Variants in PSMF1 observed in about 807,000 individuals in gnomAD.
The protein encoded by PSMF1 is proteasome inhibitor PI31 subunit.
PSMF1 carries 30 observed loss-of-function variants against 29.3 expected under a neutral mutation model. The ratio of observed to expected loss-of-function variants is 1.02; its 90% CI spans 0.77 to 1.39. The LOEUF (loss-of-function observed/expected upper bound fraction) is 1.39, where lower values mean the gene tolerates loss of function less well. Among genes scored for constraint, PSMF1 ranks in the 40% most tolerant of loss-of-function variants. The pLI, the probability that PSMF1 is intolerant of heterozygous loss-of-function variation, is 0.00. For missense variants in PSMF1, 344 were observed against 357.5 expected, an observed-to-expected ratio of 0.96 and a Z score of 0.31; for synonymous variants, 134 against 139.7, an observed-to-expected ratio of 0.96 and a Z score of 0.29.
At chr20:1,157,666 C>T (rs1254634661) in intron 4 of PSMF1, among the ~76,000 whole-genome samples, 1 of 152,088 alleles carries the variant, frequency 6.6e-6, no homozygotes, top group Non-Finnish European at 1.5e-5. Flanking sequence ...GTTTCTGCAG[C>T]TGGTCACGTG....
intron 3 of PSMF1, among the ~76,000 whole-genome samples, chr20:1,130,438 G>T (rs753184137): frequency 6.6e-6 from 1 of 152,110 alleles, no homozygotes; most frequent in African/African-American, 2.4e-5. Flanking sequence ...ACCTTGTACT[G>T]CCTTCCCCGC....
chr20:1,158,284 C>G (rs1455081419), intron 4 of PSMF1, among the ~76,000 whole-genome samples: 1 of 152,216 alleles, frequency 6.6e-6, no homozygotes, highest in Non-Finnish European at 1.5e-5. Context: ...ATCGCAGCAG[C>G]TGCTGTTATT....
chr20:1,136,688 C>T (rs1413755306), intron 4 of PSMF1, among the ~76,000 whole-genome samples: 1 of 152,192 alleles, frequency 6.6e-6, no homozygotes, highest in Non-Finnish European at 1.5e-5. Context: ...TGGATGTTTA[C>T]ACCTGTATGT....
chr20:1,132,858 G>C (rs894572659), intron 3 of PSMF1, among the ~76,000 whole-genome samples: 2 of 151,608 alleles, frequency 1.3e-5, no homozygotes, highest in African/African-American at 2.4e-5. Context: ...TCTGTCCTTT[G>C]TTTTGGTTTT....
At position 1,164,389 on chromosome 20, in the gene PSMF1, C is replaced by A; in HGVS notation, c.677C>A (p.Ser226Ter). The change falls in exon 6 of 7, where the codon TCA becomes TAA. Residue 226 changes from serine to a stop codon, truncating the protein, a stop_gained. Coordinates refer to ENST00000335877, the MANE Select transcript of PSMF1 (RefSeq NM_006814.5). LOFTEE classifies it high-confidence loss of function. The surrounding 1 kb of genome is among the most constrained non-coding windows in gnomAD (Gnocchi z 4.1). ...GFPRALIDPS[S>*]GLPNRLPPGA... The stretch of plus-strand genomic sequence containing the variant: ...CCAAGAGCACTTATTGACCCTTCCT[C>A]AGGCCTCCCGAACCGACTTCCTCCA... 2 of 1,614,092 alleles carry A rather than the reference C, an allele frequency of 1.2e-6. No homozygotes were observed. The highest frequency in any genetic ancestry group is 2.2e-5 in the South Asian group (2 of 91,078).
intron 3 of PSMF1, among the ~76,000 whole-genome samples, chr20:1,132,266 CT>C (rs796371340): frequency 0.022 from 3,219 of 144,566 alleles, 112 homozygotes; most frequent in African/African-American, 0.076. Flanking sequence ...TTTTTTCTTT[CT>C]TTTTTTTTTT....
At chr20:1,114,207 G>A (rs6077780), upstream of PSMF1, among the ~76,000 whole-genome samples, 3 of 152,320 alleles carry the variant, frequency 2.0e-5, no homozygotes, top group South Asian at 4.1e-4. Flanking sequence ...ATAGCTCTGA[G>A]ACATGCCCCA....
chr20:1,157,367 C>T (rs1015985255), intron 4 of PSMF1, among the ~76,000 whole-genome samples: 4 of 152,156 alleles, frequency 2.6e-5, no homozygotes, highest in African/African-American at 9.7e-5. Context: ...TGAACTGATA[C>T]ACATCTCCTG....
chr20:1,120,209 T>C (rs1391429106), intron 1 of PSMF1, among the ~76,000 whole-genome samples: 7 of 152,066 alleles, frequency 4.6e-5, no homozygotes, highest in Non-Finnish European at 1.0e-4. Context: ...GCTCTTTTTT[T>C]CCCCAGACCT....
intron 4 of PSMF1, among the ~76,000 whole-genome samples, chr20:1,155,271 G>GA (rs2086579999): frequency 6.6e-6 from 1 of 152,298 alleles, no homozygotes; most frequent in Middle Eastern, 3.4e-3. Flanking sequence ...GAGAGAGTGG[G>GA]AAAAATCTCC....
At chr20:1,161,541 C>T (rs78892544) in intron 4 of PSMF1, 47,406 of 589,036 alleles carry the variant, frequency 0.08, 2,385 homozygotes, top group South Asian at 0.14. Flanking sequence ...GGTGCCAGCA[C>T]AAGGAAGATC....
chr20:1,130,756 A>C (rs890968722), intron 3 of PSMF1, among the ~76,000 whole-genome samples: 1 of 152,156 alleles, frequency 6.6e-6, no homozygotes, highest in African/African-American at 2.4e-5. Flanking sequence ...TGACCCTCCC[A>C]CCTGAGCCTC....
chr20:1,134,956 C>G lies in PSMF1; in HGVS notation c.366-165C>G, dbSNP rs758776771. 2.5e-5 allele frequency: 18 copies of G among 731,140 alleles called. 1 individual carries two copies. Among genetic ancestry groups the G allele is most frequent in the Non-Finnish European group, 3.4e-5 (14 of 412,228 alleles). The allele number at this position is 731,140 out of a possible 1,614,324, so 45.3% of individuals were successfully genotyped here. On this transcript the variant is annotated intron_variant, in intron 3 of 6. Transcript: ENST00000335877. ...AGAGACAGCGTGGGGCTGTTGCCCC[C>G]CTCACCCAGGTCCAGCAGGCGGCCT...
intron 4 of PSMF1, among the ~76,000 whole-genome samples, chr20:1,155,856 A>C (rs2086588671): frequency 6.6e-6 from 1 of 152,246 alleles, no homozygotes; most frequent in African/African-American, 2.4e-5. Context: ...TTCTTCCAAA[A>C]TGTTCAAAGT....
At position 1,127,228 on chromosome 20, in the gene PSMF1, G is replaced by T. The variant is rs1257820904; in HGVS notation, c.283-198G>T. On this transcript the variant is annotated intron_variant, in intron 2 of 6. Coordinates refer to ENST00000335877, the MANE Select transcript of PSMF1 (RefSeq NM_006814.5). ...CTGGGAAGTAGGTGTTTTAGTCTCT[G>T]CCTTGGAAAGGCAATATTCCTAAAT... is the stretch of plus-strand genomic sequence containing the variant. The T allele has an allele frequency of 1.1e-5, 8 of 747,758 alleles. No individual in the cohort carries two copies. The East Asian group carries it at 2.0e-4, about 18-fold the overall frequency. The allele number at this position is 747,758 out of a possible 1,614,324, so 46.3% of individuals were successfully genotyped here.
At chr20:1,157,678 T>A (rs770210972) in intron 4 of PSMF1, among the ~76,000 whole-genome samples, 38 of 152,114 alleles carry the variant, frequency 2.5e-4, no homozygotes, top group Non-Finnish European at 4.4e-4. Flanking sequence ...GGTCACGTGG[T>A]CGTAGCTGGT....
chr20:1,124,600 T>C (rs2122461533), intron 1 of PSMF1, among the ~76,000 whole-genome samples: 1 of 152,340 alleles, frequency 6.6e-6, no homozygotes, highest in East Asian at 1.9e-4. Context: ...CATAGCAGCA[T>C]TGTTTATAAT....
intron 1 of PSMF1, among the ~76,000 whole-genome samples, chr20:1,119,517 A>G (rs1446660038): frequency 6.6e-6 from 1 of 152,128 alleles, no homozygotes; most frequent in East Asian, 1.9e-4. Flanking sequence ...TCTAGGAAGC[A>G]ATCACCCCCA....
chr20:1,160,751 C>T, intron 4 of PSMF1: 1 of 442,330 alleles, frequency 2.3e-6, no homozygotes, highest in South Asian at 1.7e-5. Flanking sequence ...ACCTGGGCGA[C>T]AAGGCCCAGA....
Sources: gnomAD v4.1 joint callset for allele counts (sites outside exome capture counted in the v4.1 genomes callset) on GRCh38, gnomAD v4.1.1 for gene constraint, Gnocchi (gnomAD v3.1) non-coding constraint, MANE v1.5 for transcripts, NCBI Gene and HGNC (gene_info 2026-07-23, HGNC 2026-07-21) for gene names.